MEF2B: variants seen among roughly 807,000 people sequenced by gnomAD.
MEF2B encodes the protein myocyte-specific enhancer factor 2B.
In MEF2B, 15 loss-of-function variants were observed where a neutral mutation model predicts 32.2. The ratio of observed to expected loss-of-function variants is 0.47; its 90% CI spans 0.31 to 0.72. MEF2B has a LOEUF of 0.72. MEF2B is among the 30% of genes least tolerant of loss of function. MEF2B has a pLI of 0.05. For missense variants in MEF2B, 441 were observed against 511.5 expected, an observed-to-expected ratio of 0.86 and a Z score of 1.33; for synonymous variants, 205 against 225.6, an observed-to-expected ratio of 0.91 and a Z score of 0.82.
chr19:19,169,857 G>A (rs904430514), intron 1 of MEF2B, among the ~76,000 whole-genome samples: 1 of 152,080 alleles, frequency 6.6e-6, no homozygotes, highest in African/African-American at 2.4e-5. Flanking sequence ...AGGAGAGAGG[G>A]ACATCACATG....
At chr19:19,153,495 C>T (rs376768450) in intron 1 of MEF2B, among the ~76,000 whole-genome samples, 35 of 152,030 alleles carry the variant, frequency 2.3e-4, no homozygotes, top group Admixed American at 1.1e-3. Context: ...CTCACTCTGT[C>T]GCCCAGGCTG....
chr19:19,167,215 G>A (rs1368659179), intron 1 of MEF2B, among the ~76,000 whole-genome samples: 2 of 152,012 alleles, frequency 1.3e-5, no homozygotes, highest in African/African-American at 4.8e-5. Flanking sequence ...GCTGGGAATG[G>A]TGGCACGCAC....
At chr19:19,168,513 T>C (rs865926844) in intron 1 of MEF2B, among the ~76,000 whole-genome samples, 1 of 151,824 alleles carries the variant, frequency 6.6e-6, no homozygotes, top group African/African-American at 2.4e-5. Context: ...CCTCAGGTGA[T>C]CCGCCCGCCT....
At chr19:19,149,563 A>C in intron 2 of MEF2B, 134 bp from the exon 3 acceptor site, 131 of 1,245,994 alleles carry the variant, frequency 1.1e-4, no homozygotes, top group Middle Eastern at 2.6e-4. Flanking sequence ...GGTAATTCTC[A>C]TGTCACAACC....
At position 19,146,655 on chromosome 19, in the gene MEF2B, G is replaced by C. The variant is rs761003085; in HGVS notation, c.676-7C>G. ...GGCCACTGTAGAGGCTTCTCTGTGC[G>C]GAGAGAGGGTGAAGGGGAAACTGAG... On this transcript the variant is annotated splice_polypyrimidine_tract_variant and splice_region_variant and intron_variant, in intron 6 of 8. Coordinates refer to ENST00000424583, the MANE Select transcript of MEF2B (RefSeq NM_001145785.2). 9 of 1,613,254 alleles carry C rather than the reference G, an allele frequency of 5.6e-6. No homozygotes were observed. Among genetic ancestry groups the C allele is most frequent in the Non-Finnish European group, 7.6e-6 (9 of 1,179,716 alleles).
chr19:19,149,219 G>A lies in MEF2B; in HGVS notation c.258+7C>T, dbSNP rs2146355823. On this transcript the variant is annotated splice_region_variant and intron_variant, in intron 3 of 8. Transcript: ENST00000424583. ...CTTGTGGGGCTGGGGAGGAGGACCT[G>A]GGGTACCTCGAGGATGTCAGTGTTG... is the stretch of plus-strand genomic sequence containing the variant. The A allele has an allele frequency of 6.2e-7, 1 of 1,613,540 alleles. No individual in the cohort carries two copies. The highest frequency in any genetic ancestry group is 1.3e-5 in the African/African-American group (1 of 75,000).
At chr19:19,155,259 C>G (rs774157015) in intron 1 of MEF2B, among the ~76,000 whole-genome samples, 7 of 152,190 alleles carry the variant, frequency 4.6e-5, no homozygotes, top group Non-Finnish European at 7.3e-5. Context: ...ATAAATATCT[C>G]TGACTAGAAG....
intron 1 of MEF2B, among the ~76,000 whole-genome samples, chr19:19,155,419 G>T (rs953833923): frequency 6.6e-6 from 1 of 152,142 alleles, no homozygotes; most frequent in South Asian, 2.1e-4. Flanking sequence ...GGCATTGGGG[G>T]TATATATATC....
At chr19:19,153,534 G>A (rs1030882458) in intron 1 of MEF2B, among the ~76,000 whole-genome samples, 3 of 151,974 alleles carry the variant, frequency 2.0e-5, no homozygotes, top group Non-Finnish European at 4.4e-5. Context: ...TTGGCTCACT[G>A]CAACCTCTGC....
chr19:19,169,490 A>G (rs558870961), intron 1 of MEF2B, among the ~76,000 whole-genome samples: 1 of 152,310 alleles, frequency 6.6e-6, no homozygotes, highest in African/African-American at 2.4e-5. Flanking sequence ...GGCATGAGCC[A>G]CAGTGCCCGG....
intron 2 of MEF2B, 51 bp downstream of exon 2, chr19:19,150,631 C>T: frequency 1.2e-6 from 2 of 1,611,856 alleles, no homozygotes; most frequent in Non-Finnish European, 8.5e-7. Context: ...CTAGGCCATG[C>T]CCCCTGCTAG....
At chr19:19,158,373 ATG>A (rs2060134333) in intron 1 of MEF2B, among the ~76,000 whole-genome samples, 2 of 282 alleles carry the variant, frequency 7.1e-3, no homozygotes, top group Admixed American at 0.033. Flanking sequence ...AGGCGTGAGC[ATG>A]GGCGCCCCCG....
chr19:19,156,601 C>T lies in MEF2B; in HGVS notation c.-29-5837G>A, dbSNP rs376648519. Among the ~76,000 whole-genome samples the T allele has an allele frequency of 6.8e-4, 103 of 152,232 alleles. 1 individual carries two copies. The highest frequency in any genetic ancestry group is 2.4e-3 in the African/African-American group (100 of 41,534). On this transcript the variant is annotated intron_variant, in intron 1 of 8. Transcript: ENST00000424583. ...TCAAATCTCACAGAACAGGAAAGTG[C>T]AGCATTATTTCAGTGAACTTAGATC...
intron 3 of MEF2B, among the ~76,000 whole-genome samples, chr19:19,148,071 A>G (rs1261725609): frequency 3.3e-5 from 5 of 152,254 alleles, no homozygotes; most frequent in African/African-American, 1.2e-4. Context: ...AGGAGCTGAG[A>G]TCCATGCAGG....
In MEF2B at chr19:19,146,298, G is replaced by A. The variant is rs528706676; in HGVS notation, c.856C>T (p.Pro286Ser). ...CTGGGCTGGGAGGACACGGCGGGGGGCCCATCACCCCTCGAGGGCTGCCAG... is the reference window on the plus strand; with the variant it reads ...CTGGGCTGGGAGGACACGGCGGGGGACCCATCACCCCTCGAGGGCTGCCAG... ...APWQPSRGDG[P>S]PAVSSQPSGG... Residue 286 changes from proline to serine, a missense_variant, in exon 8 of 9, where the codon CCC becomes TCC. Transcript: ENST00000424583. The A allele has an allele frequency of 3.0e-5, 40 of 1,328,516 alleles. No homozygotes were observed. The South Asian group carries it at 6.9e-4, about 23-fold the overall frequency. 82.3% of individuals were successfully genotyped at this position (1,328,516 alleles called of 1,614,324 possible). A position where few individuals can be genotyped will look rare whatever the true frequency, so the allele number is the denominator to read the frequency against.
chr19:19,158,601 A>T (rs1248544342), intron 1 of MEF2B, among the ~76,000 whole-genome samples: 2 of 149,092 alleles, frequency 1.3e-5, no homozygotes, highest in Non-Finnish European at 3.0e-5. Flanking sequence ...GTAGGAAAAA[A>T]AAAAAAAAAT....
At chr19:19,160,292 C>T (rs554427482) in intron 1 of MEF2B, among the ~76,000 whole-genome samples, 1 of 151,966 alleles carries the variant, frequency 6.6e-6, no homozygotes, top group East Asian at 1.9e-4. Context: ...TTTCTTCTGG[C>T]TTCTGGGAAA....
chr19:19,151,727 A>G (rs1664846844), intron 1 of MEF2B, among the ~76,000 whole-genome samples: 1 of 152,132 alleles, frequency 6.6e-6, no homozygotes, highest in South Asian at 2.1e-4. Context: ...GGCAGCCCTC[A>G]GCACAGAAGA....
In MEF2B at chr19:19,145,968, C is replaced by T. The variant is rs1314737405; in HGVS notation, c.936G>A (p.Pro312=). The change falls in exon 9 of 9, where the codon CCG becomes CCA. Residue 312 remains proline, a synonymous_variant. Transcript: ENST00000424583. This position sits in a 1 kb window ranked among gnomAD's most constrained non-coding sequence, Gnocchi z 4.6. The part of the protein sequence containing the change: ...EGPPTRGASP[P]TPPVSIKSER... ...CAGACTTGATGCTGACTGGGGGGGT[C>T]GGCGGGGAGGCGCCGCGGGTTGGGG... is the stretch of plus-strand genomic sequence containing the variant. The T allele has an allele frequency of 2.8e-6, 4 of 1,428,060 alleles. No homozygotes were observed. In the African/African-American group the frequency reaches 4.5e-5, roughly 16 times the overall value. The allele number at this position is 1,428,060 out of a possible 1,614,324, so 88.5% of individuals were successfully genotyped here. A position where few individuals can be genotyped will look rare whatever the true frequency, so the allele number is the denominator to read the frequency against.
Sources: gnomAD v4.1 joint callset for allele counts (sites outside exome capture counted in the v4.1 genomes callset) on GRCh38, gnomAD v4.1.1 for gene constraint, Gnocchi (gnomAD v3.1) non-coding constraint, MANE v1.5 for transcripts, NCBI Gene and HGNC (gene_info 2026-07-23, HGNC 2026-07-21) for gene names.